The following MEGF6 variants were observed in gnomAD, a reference collection of about 807,000 sequenced individuals.
MEGF6 encodes multiple epidermal growth factor-like domains protein 6.
A neutral mutation model predicts 207.1 loss-of-function variants in MEGF6; 184 were observed. The ratio of observed to expected loss-of-function variants is 0.89; its 90% CI spans 0.79 to 1.00. The LOEUF (loss-of-function observed/expected upper bound fraction) is 1.00, where lower values mean the gene tolerates loss of function less well. Ranked by LOEUF, MEGF6 falls within the 50% of genes least tolerant of loss-of-function variation. MEGF6 has a pLI of 0.00. For missense variants in MEGF6, 2,282 were observed against 2,202.9 expected (o/e 1.04, Z -0.72); for synonymous variants, 1,038 against 910.0 (o/e 1.14, Z -2.53).
intron 4 of MEGF6, among the ~76,000 whole-genome samples, chr1:3,577,580 A>T (rs2101736811): frequency 6.6e-6 from 1 of 152,370 alleles, no homozygotes; most frequent in Non-Finnish European, 1.5e-5. Context: ...GGGAGCTCCC[A>T]GCCTCCAGCC....
chr1:3,529,052 C>T lies in MEGF6; in HGVS notation c.482-4806G>A, dbSNP rs1443646598. On this transcript the variant is annotated intron_variant, in intron 4 of 36. Transcript: ENST00000356575. ...CAGACCGGCCCCCCGACTCCTGTGC[C>T]TCTGTGGGGCTGGTCACACAGCCAG... Among the ~76,000 whole-genome samples, 4 of 152,230 alleles carry T rather than the reference C, an allele frequency of 2.6e-5. No homozygotes were observed. In the East Asian group the frequency reaches 7.7e-4, roughly 29 times the overall value.
In MEGF6 at chr1:3,494,063, G is replaced by A. The variant is rs1479864871; in HGVS notation, c.4191C>T (p.Ala1397=). Residue 1397 remains alanine (A), a synonymous_variant, in exon 33 of 37, where the codon GCC becomes GCT. Transcript: ENST00000356575. The part of the protein sequence containing the change: ...CQGLCWCQHG[A]PCDPISGRCL... ...ATCGGCCACTGATGGGGTCGCAGGG[G>A]GCTCCATGTTGACACCAGCACAACC... 6.2e-7 allele frequency: 1 copy of A among 1,605,978 alleles called. No individual in the cohort carries two copies. The highest frequency in any genetic ancestry group is 1.1e-5 in the South Asian group (1 of 90,232).
Position 3,502,738 on chromosome 1 carries a change from G to A in MEGF6, c.2189-817C>T, listed in dbSNP as rs530791569. ...CTGCTCCCCATGGCCTGGCAGAGCC[G>A]TGGGTGCTGGAAGCCCTGGAGTGAC... On this transcript the variant is annotated intron_variant, in intron 17 of 36. Transcript: ENST00000356575. 2.0e-4 allele frequency among the ~76,000 whole-genome samples: 30 copies of A among 152,266 alleles called. No homozygotes were observed. The South Asian group carries it at 2.1e-3, about 11-fold the overall frequency.
At position 3,522,116 on chromosome 1, in the gene MEGF6, T is replaced by C. The variant is rs995820812; in HGVS notation, c.604+2008A>G. Among the ~76,000 whole-genome samples the C allele has an allele frequency of 5.9e-5, 9 of 152,338 alleles. No homozygotes were observed. In the East Asian group the frequency reaches 1.7e-3, roughly 29 times the overall value. On this transcript the variant is annotated intron_variant, in intron 5 of 36. Coordinates refer to ENST00000356575, the MANE Select transcript of MEGF6 (RefSeq NM_001409.4). Reference sequence around the variant, plus strand: ...GACACATCACAGCTCCGGGGCTGTATTTCCTGAAGCTTCAGCGTAAAGGCC... The same window carrying C: ...GACACATCACAGCTCCGGGGCTGTACTTCCTGAAGCTTCAGCGTAAAGGCC...
chr1:3,531,074 G>A lies in MEGF6; in HGVS notation c.482-6828C>T, dbSNP rs573912745. On this transcript the variant is annotated intron_variant, in intron 4 of 36. Transcript: ENST00000356575. ...CCCGCCCTGCCCAGGCTCGCCCGGC[G>A]CCCACCTGGCCTCTGGTCACCGGCG... 32 of 1,517,076 alleles carry A rather than the reference G, an allele frequency of 2.1e-5. No homozygotes were observed. In the East Asian group the frequency reaches 3.0e-4, roughly 14 times the overall value. 94.0% of individuals were successfully genotyped at this position (1,517,076 alleles called of 1,614,324 possible). A position where few individuals can be genotyped will look rare whatever the true frequency, so the allele number is the denominator to read the frequency against.
chr1:3,531,531 C>T, intron 4 of MEGF6: 5 of 1,026,944 alleles, frequency 4.9e-6, no homozygotes, highest in Non-Finnish European at 5.8e-6. Context: ...GAGCCCCGCC[C>T]CACCTCCCCC....
rs572333292 is a variant in MEGF6, at chr1:3,573,301, C to T, written c.481+6524G>A. Among the ~76,000 whole-genome samples, 14 of 152,308 alleles carry T rather than the reference C, an allele frequency of 9.2e-5. No homozygotes were observed. The South Asian group carries it at 2.7e-3, about 29-fold the overall frequency. ...CAGGTAACCCCTAGTCCTCCTGGGGCATGCTAGGATCATTTCTCACACCAG... is the reference window on the plus strand; with the variant it reads ...CAGGTAACCCCTAGTCCTCCTGGGGTATGCTAGGATCATTTCTCACACCAG... On this transcript the variant is annotated intron_variant, in intron 4 of 36. Transcript: ENST00000356575. This position sits in a 1 kb window ranked among gnomAD's most constrained non-coding sequence, Gnocchi z 5.1.
At position 3,501,305 on chromosome 1, in the gene MEGF6, C is replaced by A. The variant is rs1282174337; in HGVS notation, c.2318G>T (p.Cys773Phe). The A allele has an allele frequency of 1.3e-6, 2 of 1,595,706 alleles. No individual in the cohort carries two copies. Among genetic ancestry groups the A allele is most frequent in the East Asian group, 2.3e-5 (1 of 43,694 alleles). Residue 773 changes from cysteine to phenylalanine, a missense_variant, in exon 19 of 37, where the codon TGT becomes TTT. Physicochemically the swap from Cys to Phe is radical, Grantham distance 205. Transcript: ENST00000356575. The stretch of plus-strand genomic sequence containing the variant: ...GCCCAGCCCCCAGCGGCCCTCGGGA[C>A]AATCTAGTGCCCACCCCCATGGCCA... ...GRTGEDCEAD[C>F]PEGRWGLGCQ... is the part of the protein sequence containing the mutation.
chr1:3,540,323 T>C (rs1413092503), intron 4 of MEGF6, among the ~76,000 whole-genome samples: 1 of 152,244 alleles, frequency 6.6e-6, no homozygotes, highest in African/African-American at 2.4e-5. Context: ...GCTGCCATCC[T>C]GCCTGGAAGG....
chr1:3,584,774 A>G (rs1389346036), intron 3 of MEGF6, among the ~76,000 whole-genome samples: 3 of 152,262 alleles, frequency 2.0e-5, no homozygotes, highest in Non-Finnish European at 4.4e-5. Context: ...CGGTAACCAC[A>G]GAATCCAGGG....
intron 16 of MEGF6, 34 bp downstream of exon 16, chr1:3,505,388 G>GA (rs1641069402): frequency 6.4e-7 from 1 of 1,565,968 alleles, no homozygotes; most frequent in Admixed American, 1.8e-5. Context: ...CGACCCTGGC[G>GA]CCCCCCGCCC....
chr1:3,624,151 G>A, the MEGF6 span, among the ~76,000 whole-genome samples: 1 of 152,080 alleles, frequency 6.6e-6, no homozygotes, highest in Non-Finnish European at 1.5e-5. Context: ...CCTCACCTCC[G>A]AGCAGAGGGA....
intron 4 of MEGF6, among the ~76,000 whole-genome samples, chr1:3,528,616 G>A (rs1642044464): frequency 6.6e-6 from 1 of 152,178 alleles, no homozygotes; most frequent in Non-Finnish European, 1.5e-5. Context: ...CCTTATAAGA[G>A]GGAGGCAGGA....
intron 1 of MEGF6, among the ~76,000 whole-genome samples, chr1:3,603,055 G>A (rs1021938495): frequency 5.3e-5 from 8 of 152,154 alleles, no homozygotes; most frequent in Admixed American, 4.6e-4. Flanking sequence ...GGGTGAACCC[G>A]GGCCCATCCC....
intron 4 of MEGF6, among the ~76,000 whole-genome samples, chr1:3,535,664 G>GC (rs1316983084): frequency 6.6e-6 from 1 of 152,144 alleles, no homozygotes; most frequent in Non-Finnish European, 1.5e-5. Flanking sequence ...CAGTGTGGGG[G>GC]CCCCCCAGCG....
chr1:3,592,206 G>A (rs1484559464), intron 3 of MEGF6, among the ~76,000 whole-genome samples: 1 of 152,192 alleles, frequency 6.6e-6, no homozygotes, highest in Non-Finnish European at 1.5e-5. Flanking sequence ...TGCAGGTCCC[G>A]GCGTGCAGCC....
rs1570221951 is a variant in MEGF6, at chr1:3,594,020, T to C, written c.376+1318A>G. On this transcript the variant is annotated intron_variant, in intron 3 of 36. Transcript: ENST00000356575. This position sits in a 1 kb window ranked among gnomAD's most constrained non-coding sequence, Gnocchi z 4.2. ...CCCGGTTTGCAGCCTGCATGCTTCC[T>C]GTGTGAGAAGAGCCCCTGCGGCTCC... Among the ~76,000 whole-genome samples, 1 of 152,202 alleles carries C rather than the reference T, an allele frequency of 6.6e-6. No individual in the cohort carries two copies. The highest frequency in any genetic ancestry group is 1.5e-5 in the Non-Finnish European group (1 of 68,038).
chr1:3,491,794 A>G, intron 35 of MEGF6, among the ~76,000 whole-genome samples: 2 of 146,758 alleles, frequency 1.4e-5, no homozygotes, highest in African/African-American at 5.1e-5. Context: ...GGGTGCGGGC[A>G]GCAAAGTCTG....
At chr1:3,579,721 C>T in intron 4 of MEGF6, 104 bp downstream of exon 4, 1 of 727,170 alleles carries the variant, frequency 1.4e-6, no homozygotes, top group South Asian at 2.5e-5. Flanking sequence ...TCGGGGTGTC[C>T]CCTACACAGC....
Sources: allele counts gnomAD v4.1 joint callset (sites outside exome capture counted in the v4.1 genomes callset), GRCh38; gene constraint gnomAD v4.1.1; non-coding constraint Gnocchi (gnomAD v3.1); transcripts MANE v1.5; gene names NCBI Gene and HGNC (gene_info 2026-07-23, HGNC 2026-07-21).